HROB: variants seen among roughly 807,000 people sequenced by gnomAD.
HROB encodes homologous recombination OB-fold protein.
Under a neutral mutation model 61.0 loss-of-function variants are expected in HROB, and 44 were observed. The ratio of observed to expected loss-of-function variants is 0.72; its 90% CI spans 0.57 to 0.93. The LOEUF (loss-of-function observed/expected upper bound fraction) is 0.93, where lower values mean the gene tolerates loss of function less well. Among genes scored for constraint, HROB ranks in the 40% least tolerant of loss-of-function variants. The pLI is 0.00. For missense variants in HROB, 716 were observed against 796.2 expected, an observed-to-expected ratio of 0.90 and a Z score of 1.21; for synonymous variants, 301 against 310.4, an observed-to-expected ratio of 0.97 and a Z score of 0.32.
At chr17:44,158,508 G>C (rs1274717980) in intron 9 of HROB, among the ~76,000 whole-genome samples, 1 of 152,136 alleles carries the variant, frequency 6.6e-6, no homozygotes, top group African/African-American at 2.4e-5. Flanking sequence ...TTTTGCGACA[G>C]GGTCTCATTC....
intron 3 of HROB, 21 bp downstream of exon 3, chr17:44,149,048 G>T: frequency 6.3e-7 from 1 of 1,597,840 alleles, no homozygotes; most frequent in Admixed American, 1.7e-5. Context: ...TGGCTTTCTA[G>T]GATTTGGTGG....
chr17:44,148,508 A>C lies in HROB; in HGVS notation c.705A>C (p.Gln235His). 6.2e-7 allele frequency: 1 copy of C among 1,614,068 alleles called. No homozygotes were observed. Among genetic ancestry groups the C allele is most frequent in the Non-Finnish European group, 8.5e-7 (1 of 1,180,018 alleles). The change falls in exon 3 of 10, where the codon CAA (glutamine) becomes CAC (histidine). Residue 235 changes from glutamine to histidine, a missense_variant. Gln to His is a conservative substitution (Grantham distance 24). Transcript: ENST00000585683. ...ATGAGTCTCTAGATCCTGTCATCCA[A>C]TGTAGGACTCCACGACCCCCCTTGA... ...AQDESLDPVI[Q>H]CRTPRPPLRP... is the part of the protein sequence containing the mutation.
In HROB at chr17:44,141,945, G is replaced by C. The variant is rs2053453283; in HGVS notation, c.-198G>C. ...GAGACGCCCCAGTGGCGGCGTCTTC[G>C]AATGCGGCCTAAGGCGCCTGCCGCC... is the stretch of plus-strand genomic sequence containing the variant. On this transcript the variant is annotated 5_prime_UTR_variant, in exon 1 of 10. Transcript: ENST00000585683. 2 of 654,424 alleles carry C rather than the reference G, an allele frequency of 3.1e-6. No homozygotes were observed. Among genetic ancestry groups the C allele is most frequent in the Admixed American group, 3.7e-5 (1 of 27,010 alleles). 40.5% of individuals were successfully genotyped at this position (654,424 alleles called of 1,614,324 possible).
At chr17:44,161,019 G>A (rs112101548) in intron 9 of HROB, among the ~76,000 whole-genome samples, 1 of 152,162 alleles carries the variant, frequency 6.6e-6, no homozygotes, top group African/African-American at 2.4e-5. Flanking sequence ...TGGCTAACAC[G>A]GTGAAACCCC....
intron 9 of HROB, among the ~76,000 whole-genome samples, 195 bp from the exon 10 acceptor site, chr17:44,161,676 G>T (rs2054145163): frequency 6.6e-6 from 1 of 152,200 alleles, no homozygotes; most frequent in African/African-American, 2.4e-5. Flanking sequence ...TCATGTACGG[G>T]TACAAGGGGA....
At position 44,148,902 on chromosome 17, in the gene HROB, A is replaced by G. The variant is rs376112719; in HGVS notation, c.1099A>G (p.Ile367Val). The change falls in exon 3 of 10, where the codon ATA becomes GTA. Residue 367 changes from isoleucine (I) to valine (V), a missense_variant. Transcript: ENST00000585683. ...TCCCCAGGGAGCTCTGCAGACACCC[A>G]TAGTCACCAACCACCTGGTGCAGCT... ...KGPQGALQTP[I>V]VTNHLVQLVT... 167 of 1,614,008 alleles carry G rather than the reference A, an allele frequency of 1.0e-4. No individual in the cohort carries two copies. The highest frequency in any genetic ancestry group is 1.2e-4 in the Non-Finnish European group (139 of 1,180,018).
In HROB at chr17:44,145,182, GT is replaced by G. The variant is rs2053575595; in HGVS notation, c.4-19del. On this transcript the variant is annotated intron_variant, in intron 1 of 9. Transcript: ENST00000585683. The stretch of plus-strand genomic sequence containing the variant: ...TTGCAAATGGTATTTCTCAACCCCA[GT>G]TGGTTTTTTTTCTTTTCAGGCGTGC... 1 of 1,613,514 alleles carries G rather than the reference GT, an allele frequency of 6.2e-7. No individual in the cohort carries two copies. Among genetic ancestry groups the G allele is most frequent in the African/African-American group, 1.3e-5 (1 of 74,908 alleles).
At chr17:44,154,803 C>G (rs771944317) in intron 6 of HROB, 50 bp from the exon 7 acceptor site, 3 of 1,606,748 alleles carry the variant, frequency 1.9e-6, no homozygotes, top group Non-Finnish European at 1.7e-6. Flanking sequence ...CCATACCAGT[C>G]GCTGTGCTGC....
At chr17:44,149,949 G>A (rs2053747686) in intron 3 of HROB, among the ~76,000 whole-genome samples, 1 of 152,236 alleles carries the variant, frequency 6.6e-6, no homozygotes, top group Admixed American at 6.5e-5. Context: ...GAGGTTAACA[G>A]GTGTGTGGCG....
At chr17:44,150,388 C>T (rs1460597847) in intron 3 of HROB, among the ~76,000 whole-genome samples, 1 of 127,662 alleles carries the variant, frequency 7.8e-6, no homozygotes, top group East Asian at 3.3e-4. Context: ...TTCTTTCTTT[C>T]TTTCTTTTTT....
At position 44,155,026 on chromosome 17, in the gene HROB, A is replaced by C. The variant is rs577329530; in HGVS notation, c.1644+88A>C. 9 of 1,464,882 alleles carry C rather than the reference A, an allele frequency of 6.1e-6. No homozygotes were observed. The Admixed American group carries it at 1.6e-4, about 25-fold the overall frequency. The allele number at this position is 1,464,882 out of a possible 1,614,324, so 90.7% of individuals were successfully genotyped here. A position where few individuals can be genotyped will look rare whatever the true frequency, so the allele number is the denominator to read the frequency against. On this transcript the variant is annotated intron_variant, in intron 7 of 9. Coordinates refer to ENST00000585683, the MANE Select transcript of HROB (RefSeq NM_001171251.3). ...ACCTGTTTGGCTGCCTTCCTCTACA[A>C]CACCAGGCACGGAGTGGCTGAACCA...
Position 44,142,069 on chromosome 17 carries a change from GT to G in HROB, c.-73del, listed in dbSNP as rs946579089. The stretch of plus-strand genomic sequence containing the variant: ...AGTCCGAGACTTCCACCTGGGTCGT[GT>G]CCAAGGCCCCGGCGACTCCCCGGAC... On this transcript the variant is annotated 5_prime_UTR_variant, in exon 1 of 10. Coordinates refer to ENST00000585683, the MANE Select transcript of HROB (RefSeq NM_001171251.3). 1.3e-4 allele frequency: 198 copies of G among 1,524,208 alleles called. No individual in the cohort carries two copies. The highest frequency in any genetic ancestry group is 1.7e-4 in the Non-Finnish European group (195 of 1,138,418). 94.4% of individuals were successfully genotyped at this position (1,524,208 alleles called of 1,614,324 possible). A position where few individuals can be genotyped will look rare whatever the true frequency, so the allele number is the denominator to read the frequency against.
intron 4 of HROB, among the ~76,000 whole-genome samples, chr17:44,152,111 CTG>C (rs1675563317): frequency 6.6e-6 from 1 of 152,080 alleles, no homozygotes; most frequent in South Asian, 2.1e-4. Flanking sequence ...TCCCAAAGTG[CTG>C]GGGTAACAGG....
At chr17:44,142,943 G>C (rs2053498726) in intron 1 of HROB, among the ~76,000 whole-genome samples, 1 of 151,654 alleles carries the variant, frequency 6.6e-6, no homozygotes. Context: ...GTTTTTGTTT[G>C]TTTGTTTTTT....
At position 44,148,191 on chromosome 17, in the gene HROB, C is replaced by A; in HGVS notation, c.388C>A (p.Gln130Lys). The part of the protein sequence containing the change: ...TEVLRETARP[Q>K]SSALHPLLTF... ...AGTGCTCAGAGAGACAGCAAGACCT[C>A]AGTCCTCAGCCTTACACCCCCTACT... Residue 130 changes from glutamine to lysine, a missense_variant, in exon 3 of 10, where the codon CAG becomes AAG. Physicochemically the swap from Gln to Lys is moderately conservative, Grantham distance 53 (BLOSUM62 1). Transcript: ENST00000585683. 1 of 1,614,222 alleles carries A rather than the reference C, an allele frequency of 6.2e-7. No homozygotes were observed. The highest frequency in any genetic ancestry group is 8.5e-7 in the Non-Finnish European group (1 of 1,180,036).
At position 44,142,119 on chromosome 17, in the gene HROB, C is replaced by T. The variant is rs200344259; in HGVS notation, c.-24C>T. 1.6e-3 allele frequency: 2,474 copies of T among 1,530,422 alleles called. 38 individuals carry two copies. In the African/African-American group the frequency reaches 0.028, roughly 17 times the overall value. The allele number at this position is 1,530,422 out of a possible 1,614,324, so 94.8% of individuals were successfully genotyped here. ...ACTCGGGGTGCCGGGCCAACCTCCC[C>T]GCCGAGGCCCACCCGCCGTCGCTAT... is the stretch of plus-strand genomic sequence containing the variant. On this transcript the variant is annotated 5_prime_UTR_variant, in exon 1 of 10. Coordinates refer to ENST00000585683, the MANE Select transcript of HROB (RefSeq NM_001171251.3).
chr17:44,154,278 G>T (rs924509192), intron 5 of HROB: 1 of 347,486 alleles, frequency 2.9e-6, no homozygotes, highest in Admixed American at 3.8e-5. Flanking sequence ...GAAGGTGGAG[G>T]TTGCAGTGAG....
Position 44,148,248 on chromosome 17 carries a change from G to A in HROB, c.445G>A (p.Gly149Ser), listed in dbSNP as rs2053675080. 11 of 1,614,190 alleles carry A rather than the reference G, an allele frequency of 6.8e-6. No homozygotes were observed. In the East Asian group the frequency reaches 2.5e-4, roughly 36 times the overall value. Residue 149 changes from glycine to serine, a missense_variant, in exon 3 of 10, where the codon GGC (glycine) becomes AGC (serine). Gly to Ser is a moderately conservative substitution (Grantham distance 56). Transcript: ENST00000585683. ...TFESQQQQVG[G>S]FEGPEQDEFD... Reference sequence around the variant, plus strand: ...TGAGAGCCAACAGCAGCAAGTTGGTGGCTTTGAGGGGCCTGAACAAGACGA... The same window carrying A: ...TGAGAGCCAACAGCAGCAAGTTGGTAGCTTTGAGGGGCCTGAACAAGACGA...
At position 44,157,843 on chromosome 17, in the gene HROB, G is replaced by A; in HGVS notation, c.1781G>A (p.Ser594Asn). 6.2e-7 allele frequency: 1 copy of A among 1,612,760 alleles called. No individual in the cohort carries two copies. Among genetic ancestry groups the A allele is most frequent in the South Asian group, 1.1e-5 (1 of 90,804 alleles). Residue 594 changes from serine (S) to asparagine (N), a missense_variant, in exon 9 of 10, where the codon AGC becomes AAC. Physicochemically the swap from Ser to Asn is conservative, Grantham distance 46 (BLOSUM62 1). Coordinates refer to ENST00000585683, the MANE Select transcript of HROB (RefSeq NM_001171251.3). ...ATCCTCTGTCCCCAGGATTCAGGGA[G>A]CTTCCAGCATGATGTGGCTGCAAAG... ...PSQPFPKDSGSFQHDVAAKPE... is the reference protein window; with the variant it reads ...PSQPFPKDSGNFQHDVAAKPE...
Sources: allele counts gnomAD v4.1 joint callset (sites outside exome capture counted in the v4.1 genomes callset), GRCh38; gene constraint gnomAD v4.1.1; transcripts MANE v1.5; gene names NCBI Gene and HGNC (gene_info 2026-07-23, HGNC 2026-07-21).